GTF2F2: variants seen among roughly 807,000 people sequenced by gnomAD.
GTF2F2 encodes the protein ATP-dependent helicase GTF2F2.
In GTF2F2, 23 loss-of-function variants were observed where a neutral mutation model predicts 42.2. That is an observed-to-expected ratio of 0.55 (90% CI 0.39 to 0.77). The LOEUF is 0.77. GTF2F2 is among the 30% of genes least tolerant of loss of function. The pLI is 0.00. For missense variants in GTF2F2, 261 were observed against 287.2 expected (o/e 0.91, Z 0.66); for synonymous variants, 105 against 100.8 (o/e 1.04, Z -0.25).
At chr13:45,150,788 C>T (rs1414291773) in intron 3 of GTF2F2, among the ~76,000 whole-genome samples, 1 of 151,206 alleles carries the variant, frequency 6.6e-6, no homozygotes, top group Non-Finnish European at 1.5e-5. Context: ...AAGTGATCAG[C>T]CCACCTCGGC....
chr13:45,241,545 A>C (rs1875309695), intron 5 of GTF2F2, among the ~76,000 whole-genome samples: 1 of 148,530 alleles, frequency 6.7e-6, no homozygotes, highest in East Asian at 1.9e-4. Context: ...GCGAATTCTT[A>C]ATTTTATTTA....
intron 4 of GTF2F2, chr13:45,194,056 C>G: frequency 6.2e-7 from 1 of 1,614,092 alleles, no homozygotes; most frequent in East Asian, 2.2e-5. Context: ...CAGAACAATG[C>G]GAGACTTTAT....
intron 7 of GTF2F2, among the ~76,000 whole-genome samples, chr13:45,271,442 G>A (rs1363844911): frequency 1.3e-5 from 2 of 151,694 alleles, no homozygotes; most frequent in Non-Finnish European, 2.9e-5. Context: ...AGAGTGCAGT[G>A]GTGCAATCTC....
rs534593855 is a variant in GTF2F2 at position 45,283,169 on chromosome 13, G to GT, written c.631-265dup. Among the ~76,000 whole-genome samples the GT allele has an allele frequency of 1.1e-3, 169 of 151,798 alleles. 1 individual carries two copies. Among genetic ancestry groups the GT allele is most frequent in the East Asian group, 7.9e-3 (41 of 5,162 alleles). On this transcript the variant is annotated intron_variant, in intron 7 of 7. Transcript: ENST00000340473. The stretch of plus-strand genomic sequence containing the variant: ...GTGTATTTCATGTAGTGTTTTTTGT[G>GT]TTTTTTTTGTTTGTTTGTTTTAGCT...
intron 4 of GTF2F2, among the ~76,000 whole-genome samples, chr13:45,204,654 AAG>A (rs1873344496): frequency 6.6e-6 from 1 of 152,232 alleles, no homozygotes; most frequent in Non-Finnish European, 1.5e-5. Flanking sequence ...AGGCTTTAAA[AAG>A]AGAGCAGGCA....
chr13:45,161,707 G>A (rs1403304151), intron 4 of GTF2F2, among the ~76,000 whole-genome samples: 2 of 152,176 alleles, frequency 1.3e-5, no homozygotes, highest in Non-Finnish European at 1.5e-5. Context: ...GCCAGCTGTG[G>A]TGGTGAGTGC....
intron 4 of GTF2F2, among the ~76,000 whole-genome samples, chr13:45,178,305 C>A (rs1170095126): frequency 6.6e-6 from 1 of 150,454 alleles, no homozygotes; most frequent in Non-Finnish European, 1.5e-5. Context: ...TGTGTCTAGT[C>A]TGATATTAAA....
chr13:45,231,119 TA>T (rs1874657259), intron 5 of GTF2F2, among the ~76,000 whole-genome samples: 1 of 151,814 alleles, frequency 6.6e-6, no homozygotes, highest in Non-Finnish European at 1.5e-5. Context: ...ATTTATTTAT[TA>T]ATTTTGAGAC....
intron 5 of GTF2F2, among the ~76,000 whole-genome samples, chr13:45,235,032 C>T (rs1412044010): frequency 7.2e-5 from 6 of 83,438 alleles, no homozygotes; most frequent in African/African-American, 9.7e-5. Context: ...GCAACAAGAG[C>T]GGGAAACTCA....
chr13:45,153,212 G>C (rs1242578503), intron 4 of GTF2F2, among the ~76,000 whole-genome samples: 1 of 151,388 alleles, frequency 6.6e-6, no homozygotes, highest in African/African-American at 2.4e-5. Flanking sequence ...TAGAGACGGG[G>C]TTTCACCGTG....
rs1429992855 is a variant in GTF2F2 at position 45,283,727 on chromosome 13, CTG to C, written c.*168_*169del. The C allele has an allele frequency of 2.9e-5, 12 of 413,846 alleles. No homozygotes were observed. In the East Asian group the frequency reaches 5.1e-4, roughly 18 times the overall value. The allele number at this position is 413,846 out of a possible 1,614,324, so 25.6% of individuals were successfully genotyped here. ...CTGTAATTCTTGTAAAGTTTCTTAA[CTG>C]TTTTTTTGAGGAGAAAGAACAGATT... On this transcript the variant is annotated 3_prime_UTR_variant, in exon 8 of 8. Transcript: ENST00000340473.
intron 5 of GTF2F2, among the ~76,000 whole-genome samples, chr13:45,235,779 AT>A: frequency 6.6e-6 from 1 of 151,226 alleles, no homozygotes; most frequent in Non-Finnish European, 1.5e-5. Context: ...TTTATTTTTT[AT>A]TTTTAGTAGA....
intron 5 of GTF2F2, among the ~76,000 whole-genome samples, chr13:45,240,810 A>G (rs1453627363): frequency 1.3e-5 from 2 of 151,660 alleles, no homozygotes; most frequent in African/African-American, 4.9e-5. Context: ...CCTGGGTGAC[A>G]AGAGGAAAAC....
intron 6 of GTF2F2, among the ~76,000 whole-genome samples, chr13:45,265,962 G>A (rs1295144311): frequency 1.3e-5 from 2 of 152,304 alleles, no homozygotes; most frequent in Non-Finnish European, 2.9e-5. Flanking sequence ...GTTTATACAA[G>A]TGAAGTGTTC....
intron 5 of GTF2F2, among the ~76,000 whole-genome samples, chr13:45,223,252 C>T (rs1057063331): frequency 7.1e-5 from 8 of 112,390 alleles, no homozygotes; most frequent in African/African-American, 3.2e-4. Context: ...AGAGGGAGAC[C>T]TTGTCTCAAT....
chr13:45,123,926 G>T (rs1024775057), intron 1 of GTF2F2: 3 of 481,808 alleles, frequency 6.2e-6, no homozygotes, highest in African/African-American at 2.0e-5. Flanking sequence ...TAGTGTGGTT[G>T]GGGACTGAGT....
intron 5 of GTF2F2, among the ~76,000 whole-genome samples, chr13:45,247,470 G>A (rs1370242606): frequency 1.3e-5 from 2 of 151,122 alleles, no homozygotes; most frequent in African/African-American, 4.9e-5. Flanking sequence ...TCAGCTCACT[G>A]CAACCTCCGC....
At chr13:45,143,249 G>T (rs1870021283) in intron 2 of GTF2F2, among the ~76,000 whole-genome samples, 1 of 152,112 alleles carries the variant, frequency 6.6e-6, no homozygotes, top group Admixed American at 6.5e-5. Flanking sequence ...AGGTTTATAG[G>T]TTATAGGTTA....
chr13:45,162,199 G>A (rs1299389246), intron 4 of GTF2F2, among the ~76,000 whole-genome samples: 1 of 152,146 alleles, frequency 6.6e-6, no homozygotes, highest in African/African-American at 2.4e-5. Flanking sequence ...TGCTAGGTCT[G>A]CCTGGATAGA....
Sources: gnomAD v4.1 joint callset for allele counts (sites outside exome capture counted in the v4.1 genomes callset) on GRCh38, gnomAD v4.1.1 for gene constraint, MANE v1.5 for transcripts, NCBI Gene and HGNC (gene_info 2026-07-23, HGNC 2026-07-21) for gene names.